Variants in SEC23A observed in about 807,000 individuals in gnomAD.
SEC23A encodes the protein protein transport protein Sec23A.
Under a neutral mutation model 103.7 loss-of-function variants are expected in SEC23A, and 56 were observed. The ratio of observed to expected loss-of-function variants is 0.54; its 90% CI spans 0.44 to 0.67. SEC23A has a LOEUF of 0.67. SEC23A is among the 30% of genes least tolerant of loss of function. The pLI, the probability that SEC23A is intolerant of heterozygous loss-of-function variation, is 0.00. For missense variants in SEC23A, 784 were observed against 936.4 expected (o/e 0.84, Z 2.12); for synonymous variants, 281 against 293.0 (o/e 0.96, Z 0.42).
intron 16 of SEC23A, 36 bp from the exon 17 acceptor site, chr14:39,042,908 G>A (rs549164110): frequency 5.2e-6 from 7 of 1,354,812 alleles, no homozygotes; most frequent in Non-Finnish European, 7.4e-6. Flanking sequence ...TGAGGAAAAA[G>A]GAAAAATAAT....
At position 39,095,636 on chromosome 14, in the gene SEC23A, C is replaced by T. The variant is rs537215385; in HGVS notation, c.221+262G>A. Among the ~76,000 whole-genome samples, 99 of 152,214 alleles carry T rather than the reference C, an allele frequency of 6.5e-4. 1 individual carries two copies. The highest frequency in any genetic ancestry group is 2.2e-3 in the African/African-American group (93 of 41,538). ...TAATGATGCAAGATGGGTTGATACA[C>T]ATCCAGCACCACTATTCAGAAGACA... is the stretch of plus-strand genomic sequence containing the variant. On this transcript the variant is annotated intron_variant, in intron 2 of 19. Transcript: ENST00000307712.
chr14:39,071,198 C>T (rs1886829519), intron 9 of SEC23A, among the ~76,000 whole-genome samples: 1 of 152,150 alleles, frequency 6.6e-6, no homozygotes, highest in Non-Finnish European at 1.5e-5. Context: ...TACCAATTTG[C>T]AGATGGCATG....
At chr14:39,063,533 C>T (rs1485579447) in intron 11 of SEC23A, 120 bp from the exon 12 acceptor site, 4 of 641,216 alleles carry the variant, frequency 6.2e-6, no homozygotes, top group Non-Finnish European at 1.1e-5. Context: ...ACTAATTCAA[C>T]AATGTTAAGA....
At chr14:39,064,826 T>G (rs1886601678) in intron 11 of SEC23A, 87 bp downstream of exon 11, 1 of 949,136 alleles carries the variant, frequency 1.1e-6, no homozygotes, top group South Asian at 1.3e-5. Context: ...GCAATCCTCC[T>G]GCCTCAGCTT....
chr14:39,040,514 A>T (rs1885603026), intron 18 of SEC23A: 12 of 591,740 alleles, frequency 2.0e-5, no homozygotes, highest in Middle Eastern at 9.0e-4. Context: ...TAGAGACAGA[A>T]GATGATGGAA....
intron 7 of SEC23A, among the ~76,000 whole-genome samples, chr14:39,081,981 G>A (rs551868665): frequency 5.9e-5 from 9 of 152,074 alleles, no homozygotes; most frequent in Admixed American, 5.2e-4. Context: ...AGGAAACAGG[G>A]CTCCTAAGTG....
chr14:39,075,481 C>A (rs918391744), intron 8 of SEC23A, among the ~76,000 whole-genome samples: 3 of 152,038 alleles, frequency 2.0e-5, no homozygotes, highest in African/African-American at 7.2e-5. Context: ...GTGAAATGTA[C>A]TTACACAAAC....
At chr14:39,101,054 G>C (rs1405367905) in intron 1 of SEC23A, among the ~76,000 whole-genome samples, 1 of 151,940 alleles carries the variant, frequency 6.6e-6, no homozygotes, top group African/African-American at 2.4e-5. Context: ...ACGTTGGCCA[G>C]GCTGGTCTCG....
intron 9 of SEC23A, among the ~76,000 whole-genome samples, chr14:39,073,615 T>C (rs554317266): frequency 7.0e-6 from 1 of 143,622 alleles, no homozygotes; most frequent in South Asian, 2.4e-4. Context: ...TTTTTTTTTT[T>C]TTTTTTTTTT....
chr14:39,039,023 A>T lies in SEC23A; in HGVS notation c.2208+8T>A, dbSNP rs1226473366. 6.2e-7 allele frequency: 1 copy of T among 1,608,528 alleles called. No individual in the cohort carries two copies. Among genetic ancestry groups the T allele is most frequent in the Non-Finnish European group, 8.5e-7 (1 of 1,174,990 alleles). On this transcript the variant is annotated splice_region_variant and intron_variant, in intron 19 of 19. Coordinates refer to ENST00000307712, the MANE Select transcript of SEC23A (RefSeq NM_006364.4). ...AAATAATTTCCAAGACCTGCTATTT[A>T]AACTTACCTGCCCCCAGGCATACAT...
chr14:39,055,207 T>C lies in SEC23A; in HGVS notation c.1595A>G (p.Tyr532Cys), dbSNP rs1287152162. The C allele has an allele frequency of 6.2e-7, 1 of 1,614,058 alleles. No individual in the cohort carries two copies. Among genetic ancestry groups the C allele is most frequent in the African/African-American group, 1.3e-5 (1 of 74,928 alleles). The change falls in exon 14 of 20, where the codon TAT becomes TGT. Residue 532 changes from tyrosine (Y) to cysteine (C), a missense_variant. Tyr to Cys is a radical substitution (Grantham distance 194). Around this residue, in one of 2 missense-constraint regions of SEC23A, gnomAD observed 683 missense variants for 774.2 expected, o/e 0.88. Coordinates refer to ENST00000307712, the MANE Select transcript of SEC23A (RefSeq NM_006364.4). ...AAILMARLAI[Y>C]RAETEEGPDV... The stretch of plus-strand genomic sequence containing the variant: ...TGGACCTTCTTCTGTTTCTGCTCTA[T>C]ATATTGCTAGCCGGGCCATAAGAAT...
intron 7 of SEC23A, among the ~76,000 whole-genome samples, chr14:39,081,660 T>C (rs545057768): frequency 6.6e-6 from 1 of 152,162 alleles, no homozygotes; most frequent in Non-Finnish European, 1.5e-5. Flanking sequence ...AGGTTTCTCA[T>C]AGAGAATGAG....
In SEC23A at chr14:39,037,780, G is replaced by A. The variant is rs77635572; in HGVS notation, c.2208+1251C>T. Among the ~76,000 whole-genome samples, 748 of 152,254 alleles carry A rather than the reference G, an allele frequency of 4.9e-3. 7 individuals are homozygous for A. The highest frequency in any genetic ancestry group is 0.017 in the African/African-American group (708 of 41,532). Reference sequence around the variant, plus strand: ...TAATCCAGGATTCAATCAGAATTCAGATTTTGTGCATAGTTGCCATGCCCT... The same window carrying A: ...TAATCCAGGATTCAATCAGAATTCAAATTTTGTGCATAGTTGCCATGCCCT... On this transcript the variant is annotated intron_variant, in intron 19 of 19. Coordinates refer to ENST00000307712, the MANE Select transcript of SEC23A (RefSeq NM_006364.4).
At chr14:39,078,497 T>C (rs766832157) in intron 7 of SEC23A, among the ~76,000 whole-genome samples, 3 of 152,188 alleles carry the variant, frequency 2.0e-5, no homozygotes, top group Non-Finnish European at 4.4e-5. Context: ...TGTGTATCTA[T>C]ACCTCCAGAT....
At chr14:39,083,619 G>A (rs1887314269) in intron 7 of SEC23A, among the ~76,000 whole-genome samples, 1 of 125,492 alleles carries the variant, frequency 8.0e-6, no homozygotes, top group Non-Finnish European at 1.6e-5. Context: ...CTGGAGTGCA[G>A]TGGTGCAATC....
intron 13 of SEC23A, among the ~76,000 whole-genome samples, chr14:39,055,666 A>G (rs1290291098): frequency 2.6e-5 from 4 of 152,204 alleles, no homozygotes; most frequent in Non-Finnish European, 5.9e-5. Flanking sequence ...GTATTAGGCT[A>G]ACTCATCCCA....
chr14:39,087,726 A>C (rs1370351976), intron 5 of SEC23A: 2 of 152,308 alleles, frequency 1.3e-5, no homozygotes, highest in Admixed American at 6.5e-5. Flanking sequence ...ACTGAAGTCT[A>C]AAGATGTACA....
intron 9 of SEC23A, among the ~76,000 whole-genome samples, chr14:39,068,732 C>A (rs1358523263): frequency 2.0e-5 from 3 of 152,032 alleles, no homozygotes; most frequent in Non-Finnish European, 4.4e-5. Context: ...CACTTGCTCA[C>A]ATTTTTAAAA....
chr14:39,094,420 ATATATATATATATATATATATATT>A lies in SEC23A; in HGVS notation c.222-1200_222-1177del, dbSNP rs1235583608. Among the ~76,000 whole-genome samples the A allele has an allele frequency of 3.1e-3, 194 of 62,534 alleles. 42 individuals carry two copies. The highest frequency in any genetic ancestry group is 0.023 in the African/African-American group (175 of 7,616). The allele number at this position is 62,534 out of a possible 152,430, so 41.0% of individuals were successfully genotyped here. A position where few individuals can be genotyped will look rare whatever the true frequency, so the allele number is the denominator to read the frequency against. On this transcript the variant is annotated intron_variant, in intron 2 of 19. Coordinates refer to ENST00000307712, the MANE Select transcript of SEC23A (RefSeq NM_006364.4). The stretch of plus-strand genomic sequence containing the variant: ...CACATATATATATATATATATATAT[ATATATATATATATATATATATATT>A]TTTTTTTTTTTTTTTTCCCCTCCTG...
Sources: gnomAD v4.1 joint callset for allele counts (sites outside exome capture counted in the v4.1 genomes callset) on GRCh38, gnomAD v4.1.1 for gene constraint, gnomAD v4.1.1 regional missense constraint, MANE v1.5 for transcripts, NCBI Gene and HGNC (gene_info 2026-07-23, HGNC 2026-07-21) for gene names.